The following UPF2 variants were observed in gnomAD, a reference collection of about 807,000 sequenced individuals.
UPF2 encodes UPF2 regulator of nonsense mediated mRNA decay, also known as regulator of nonsense transcripts 2.
A neutral mutation model predicts 141.4 loss-of-function variants in UPF2; 17 were observed. That is an observed-to-expected ratio of 0.12 (90% CI 0.08 to 0.18). The LOEUF (loss-of-function observed/expected upper bound fraction) is 0.18. Among genes scored for constraint, UPF2 ranks in the 10% least tolerant of loss-of-function variants. The pLI, the probability that UPF2 is intolerant of heterozygous loss-of-function variation, is 1.00. For synonymous variants in UPF2, 540 were observed against 498.0 expected (o/e 1.08, Z -1.12); for missense variants, 1,152 against 1,515.9 (o/e 0.76, Z 3.99).
chr10:11,993,915 G>C (rs1481735378), intron 8 of UPF2, among the ~76,000 whole-genome samples: 1 of 152,122 alleles, frequency 6.6e-6, no homozygotes, highest in Non-Finnish European at 1.5e-5. Flanking sequence ...CTAGAGCCTG[G>C]GAGGTTGAGG....
intron 14 of UPF2, among the ~76,000 whole-genome samples, chr10:11,954,747 G>A (rs118076838): frequency 0.056 from 8,289 of 148,670 alleles, 316 homozygotes; most frequent in Non-Finnish European, 0.085. Flanking sequence ...AGGCTGACGC[G>A]GGAGGTTTAC....
intron 13 of UPF2, among the ~76,000 whole-genome samples, chr10:11,955,807 T>C (rs1200992924): frequency 6.6e-6 from 1 of 152,154 alleles, no homozygotes; most frequent in Admixed American, 6.6e-5. Context: ...TTCTCTGCCA[T>C]CAGTGAATTA....
chr10:11,937,524 G>A (rs1160127136), intron 18 of UPF2, among the ~76,000 whole-genome samples: 1 of 152,232 alleles, frequency 6.6e-6, no homozygotes, highest in Admixed American at 6.5e-5. Flanking sequence ...CTTCTTCTAA[G>A]CAGATGGTAA....
chr10:11,929,742 A>C, intron 21 of UPF2, 123 bp downstream of exon 21: 1 of 1,399,788 alleles, frequency 7.1e-7, no homozygotes, highest in Non-Finnish European at 9.7e-7. Flanking sequence ...CTAAAATATC[A>C]AAGACTTTTC....
At chr10:11,969,835 CTAA>C (rs1050779384) in intron 9 of UPF2, among the ~76,000 whole-genome samples, 54 of 152,162 alleles carry the variant, frequency 3.5e-4, no homozygotes, top group African/African-American at 1.3e-3. Context: ...TAAATTGGAC[CTAA>C]TAGGGTTGTG....
chr10:11,967,653 A>G (rs1833343758), intron 9 of UPF2, among the ~76,000 whole-genome samples, 199 bp from the exon 10 acceptor site: 1 of 150,478 alleles, frequency 6.6e-6, no homozygotes, highest in Non-Finnish European at 1.5e-5. Context: ...GGGTTCAAGC[A>G]ATTCTCCTGC....
At position 11,936,119 on chromosome 10, in the gene UPF2, A is replaced by G. The variant is rs1832846686; in HGVS notation, c.3546+426T>C. 6.6e-6 allele frequency among the ~76,000 whole-genome samples: 1 copy of G among 152,094 alleles called. No individual in the cohort carries two copies. The highest frequency in any genetic ancestry group is 1.5e-5 in the Non-Finnish European group (1 of 68,004). On this transcript the variant is annotated intron_variant, in intron 19 of 21. Coordinates refer to ENST00000357604, the MANE Select transcript of UPF2 (RefSeq NM_015542.4). The surrounding 1 kb of genome is among the most constrained non-coding windows in gnomAD (Gnocchi z 6.6). ...GTGCAGTTGCTCACGCCTATAATCCAAGCACTTTGGGAGGCCGAGATGGGC... is the reference window on the plus strand; with the variant it reads ...GTGCAGTTGCTCACGCCTATAATCCGAGCACTTTGGGAGGCCGAGATGGGC...
At chr10:11,981,199 G>C (rs543686889) in intron 8 of UPF2, among the ~76,000 whole-genome samples, 1 of 152,118 alleles carries the variant, frequency 6.6e-6, no homozygotes, top group African/African-American at 2.4e-5. Context: ...AAAGAAGAAA[G>C]GTAAGGTTAA....
chr10:11,982,869 C>T (rs1472669672), intron 8 of UPF2, among the ~76,000 whole-genome samples: 1 of 152,200 alleles, frequency 6.6e-6, no homozygotes, highest in African/African-American at 2.4e-5. Context: ...ATCCACCCCC[C>T]TCAGCCTCCT....
intron 16 of UPF2, among the ~76,000 whole-genome samples, chr10:11,946,678 CT>C (rs1304057410): frequency 6.6e-6 from 1 of 152,188 alleles, no homozygotes; most frequent in Non-Finnish European, 1.5e-5. Flanking sequence ...TTCTATACCC[CT>C]AACCCATTCC....
chr10:11,993,565 A>C (rs1284086890), intron 8 of UPF2, among the ~76,000 whole-genome samples: 1 of 152,202 alleles, frequency 6.6e-6, no homozygotes. Context: ...TCAAAATGCA[A>C]TAAAAATATA....
intron 3 of UPF2, among the ~76,000 whole-genome samples, chr10:12,028,061 G>C (rs1588578166): frequency 6.6e-6 from 1 of 152,030 alleles, no homozygotes; most frequent in East Asian, 1.9e-4. Flanking sequence ...CTAGCTTCTT[G>C]TTGCTCCTCA....
At chr10:12,017,283 A>T (rs1449311458) in intron 3 of UPF2, among the ~76,000 whole-genome samples, 1 of 152,248 alleles carries the variant, frequency 6.6e-6, no homozygotes, top group East Asian at 1.9e-4. Flanking sequence ...CAAAACTTTA[A>T]TTCTCTTAAC....
At chr10:12,031,132 C>CCACT (rs1191953752) in intron 2 of UPF2, among the ~76,000 whole-genome samples, 61 of 150,100 alleles carry the variant, frequency 4.1e-4, no homozygotes, top group African/African-American at 1.4e-3. Context: ...CGATATAGTG[C>CCACT]CACTGCAGTC....
intron 8 of UPF2, among the ~76,000 whole-genome samples, chr10:11,989,710 CTAGA>C (rs1241583272): frequency 2.0e-5 from 3 of 152,302 alleles, no homozygotes; most frequent in Admixed American, 1.3e-4. Context: ...TCTTGTTGTC[CTAGA>C]CAATGAGCTA....
At chr10:12,025,886 C>G (rs1283784893) in intron 3 of UPF2, among the ~76,000 whole-genome samples, 1 of 152,170 alleles carries the variant, frequency 6.6e-6, no homozygotes, top group Non-Finnish European at 1.5e-5. Flanking sequence ...TCTCGACTTT[C>G]CAGGCTCAAC....
chr10:11,932,969 G>T (rs1386042870), intron 19 of UPF2, among the ~76,000 whole-genome samples: 1 of 151,960 alleles, frequency 6.6e-6, no homozygotes, highest in Non-Finnish European at 1.5e-5. Context: ...GCTTTTTAAA[G>T]CATTTTATAA....
rs560484078 is a variant in UPF2, at chr10:11,939,213, A to G, written c.3379-2501T>C. Among the ~76,000 whole-genome samples, 1 of 152,230 alleles carries G rather than the reference A, an allele frequency of 6.6e-6. No homozygotes were observed. Among genetic ancestry groups the G allele is most frequent in the South Asian group, 2.1e-4 (1 of 4,830 alleles). Reference sequence around the variant, plus strand: ...TCCAAGCCTCTGTTTCTTTAGCTAAAGCAAAGGAATACTAACAGTATCTGA... The same window carrying G: ...TCCAAGCCTCTGTTTCTTTAGCTAAGGCAAAGGAATACTAACAGTATCTGA... On this transcript the variant is annotated intron_variant, in intron 18 of 21. Coordinates refer to ENST00000357604, the MANE Select transcript of UPF2 (RefSeq NM_015542.4). The surrounding 1 kb of genome is among the most constrained non-coding windows in gnomAD (Gnocchi z 4.8).
chr10:11,952,275 AG>A (rs770960132), intron 14 of UPF2, 26 bp from the exon 15 acceptor site: 2 of 1,556,044 alleles, frequency 1.3e-6, no homozygotes, highest in South Asian at 2.5e-5. Context: ...AAATAAATTT[AG>A]CTATAAGAAA....
Sources: allele counts gnomAD v4.1 joint callset (sites outside exome capture counted in the v4.1 genomes callset), GRCh38; gene constraint gnomAD v4.1.1; non-coding constraint Gnocchi (gnomAD v3.1); transcripts MANE v1.5; gene names NCBI Gene and HGNC (gene_info 2026-07-23, HGNC 2026-07-21).